The following BRAP variants were observed in gnomAD, a reference collection of about 807,000 sequenced individuals.
The protein encoded by BRAP is BRCA1 associated protein, also known as BRCA1-associated protein.
A neutral mutation model predicts 73.4 loss-of-function variants in BRAP; 42 were observed. The ratio of observed to expected loss-of-function variants is 0.57; its 90% CI spans 0.45 to 0.74. BRAP has a LOEUF of 0.74. BRAP is among the 30% of genes least tolerant of loss of function. The pLI, the probability that BRAP is intolerant of heterozygous loss-of-function variation, is 0.00. For missense variants in BRAP, 593 were observed against 751.4 expected (o/e 0.79, Z 2.46); for synonymous variants, 255 against 267.4 (o/e 0.95, Z 0.45).
chr12:111,684,860 G>A (rs1887745131), intron 1 of BRAP, among the ~76,000 whole-genome samples: 1 of 152,064 alleles, frequency 6.6e-6, no homozygotes, highest in African/African-American at 2.4e-5. Flanking sequence ...GTACAGACAG[G>A]GTTTCACCAT....
At chr12:111,646,782 T>C (rs1024313457) in intron 11 of BRAP, among the ~76,000 whole-genome samples, 2 of 152,068 alleles carry the variant, frequency 1.3e-5, no homozygotes, top group Admixed American at 1.3e-4. Context: ...CAAAAATAAA[T>C]AAATAAAAAC....
In BRAP at chr12:111,685,955, A is replaced by T. The variant is rs1887826564; in HGVS notation, c.-163T>A. On this transcript the variant is annotated 5_prime_UTR_variant, in exon 1 of 12. The change creates a new upstream start codon in the 5' untranslated region. Transcript: ENST00000419234. ...TCGAACAGCCCTCGGAGCCACAACA[A>T]CCTCCACTTCCGCCTCCCGGCCGCC... is the stretch of plus-strand genomic sequence containing the variant. 4 of 397,650 alleles carry T rather than the reference A, an allele frequency of 1.0e-5. No homozygotes were observed. The highest frequency in any genetic ancestry group is 2.1e-5 in the African/African-American group (1 of 47,320). 24.6% of individuals were successfully genotyped at this position (397,650 alleles called of 1,614,324 possible).
intron 4 of BRAP, 43 bp downstream of exon 4, chr12:111,679,108 T>A (rs1887497473): frequency 7.4e-7 from 1 of 1,359,364 alleles, no homozygotes; most frequent in South Asian, 1.9e-5. Flanking sequence ...AATACCACAG[T>A]TTCTGTGGCA....
At chr12:111,645,546 A>G (rs1310062608) in intron 11 of BRAP, among the ~76,000 whole-genome samples, 2 of 152,192 alleles carry the variant, frequency 1.3e-5, no homozygotes, top group Non-Finnish European at 2.9e-5. Context: ...GCATTCTTGG[A>G]GAGTCAAGTA....
rs748546160 is a variant in BRAP, at chr12:111,644,295, C to G, written c.1683G>C (p.Gln561His). 1 of 1,614,148 alleles carries G rather than the reference C, an allele frequency of 6.2e-7. No individual in the cohort carries two copies. Among genetic ancestry groups the G allele is most frequent in the Non-Finnish European group, 8.5e-7 (1 of 1,180,036 alleles). Residue 561 changes from glutamine (Q) to histidine (H), a missense_variant, in exon 12 of 12, where the codon CAG (glutamine) becomes CAC (histidine). This residue lies in a region of BRAP where 79 missense variants were observed against 65.3 expected (regional missense o/e 1.21). Coordinates refer to ENST00000419234, the MANE Select transcript of BRAP (RefSeq NM_006768.5). ...AGGCCGAGGCCATGGCGATGTTGAT[C>G]TGTCCCTCCTGGATTTCCTGCCGGG... is the stretch of plus-strand genomic sequence containing the variant. ...AETRQEIQEGQINIAMASASS... is the reference protein window; with the variant it reads ...AETRQEIQEGHINIAMASASS...
chr12:111,677,072 G>A (rs1281358495), intron 4 of BRAP, among the ~76,000 whole-genome samples: 1 of 152,096 alleles, frequency 6.6e-6, no homozygotes, highest in Non-Finnish European at 1.5e-5. Context: ...AGACACAAGG[G>A]GAAGGATAGT....
chr12:111,650,112 A>T (rs1200928863), intron 10 of BRAP, 70 bp from the exon 11 acceptor site: 1 of 1,113,886 alleles, frequency 9.0e-7, no homozygotes, highest in South Asian at 1.5e-5. Context: ...GACCAACATC[A>T]TATTTTTCCC....
Position 111,665,656 on chromosome 12 carries a change from C to T in BRAP, c.879G>A (p.Gln293=). The part of the protein sequence containing the change: ...CNHSFHSQCL[Q]RWDDTTCPVC... ...GCACTCACGTGGTATCGTCCCAGCG[C>T]TGTAGACACTGGCTGTGGAAGCTGT... The change falls in exon 6 of 12, where the codon CAG becomes CAA. Residue 293 remains glutamine, a synonymous_variant. Coordinates refer to ENST00000419234, the MANE Select transcript of BRAP (RefSeq NM_006768.5). This position sits in a 1 kb window ranked among gnomAD's most constrained non-coding sequence, Gnocchi z 4.3. 1 of 1,614,186 alleles carries T rather than the reference C, an allele frequency of 6.2e-7. No individual in the cohort carries two copies. The highest frequency in any genetic ancestry group is 8.5e-7 in the Non-Finnish European group (1 of 1,180,034).
intron 6 of BRAP, among the ~76,000 whole-genome samples, chr12:111,664,819 G>A (rs1243672710): frequency 6.6e-6 from 1 of 152,138 alleles, no homozygotes; most frequent in Non-Finnish European, 1.5e-5. Context: ...TCTGGGTTCT[G>A]CTCTTTACCC....
rs1886002384 is a variant in BRAP, at chr12:111,644,101, GTACTTA to G, written c.*92_*97del. ...AACAACTGTGGCTTGATCCTCACTT[GTACTTA>G]TTAGGGCCCACCCTCACATTTAGCT... On this transcript the variant is annotated 3_prime_UTR_variant, in exon 12 of 12. Coordinates refer to ENST00000419234, the MANE Select transcript of BRAP (RefSeq NM_006768.5). 1.3e-6 allele frequency: 2 copies of G among 1,484,754 alleles called. No individual in the cohort carries two copies. Among genetic ancestry groups the G allele is most frequent in the Non-Finnish European group, 1.8e-6 (2 of 1,115,232 alleles). The allele number at this position is 1,484,754 out of a possible 1,614,324, so 92.0% of individuals were successfully genotyped here.
intron 5 of BRAP, chr12:111,670,087 G>C (rs1273105600): frequency 2.2e-5 from 14 of 626,590 alleles, no homozygotes; most frequent in Non-Finnish European, 4.3e-5. Flanking sequence ...GCAAGAGTTG[G>C]AACAGTTTCT....
At chr12:111,669,545 T>C (rs1887089081) in intron 5 of BRAP, among the ~76,000 whole-genome samples, 1 of 152,104 alleles carries the variant, frequency 6.6e-6, no homozygotes, top group South Asian at 2.1e-4. Flanking sequence ...TCTTAATGTG[T>C]TAATAGTTGT....
At chr12:111,653,521 G>C (rs1156314787) in intron 10 of BRAP, among the ~76,000 whole-genome samples, 1 of 152,118 alleles carries the variant, frequency 6.6e-6, no homozygotes, top group East Asian at 1.9e-4. Flanking sequence ...GAATGTCTGT[G>C]AGCTTCATCT....
Position 111,659,367 on chromosome 12 carries a change from T to G in BRAP, c.973-22A>C, listed in dbSNP as rs1566116191. 5 of 1,599,606 alleles carry G rather than the reference T, an allele frequency of 3.1e-6. No homozygotes were observed. The Admixed American group carries it at 8.5e-5, about 27-fold the overall frequency. ...GATTCTGCCGGAAGAGGTAAGATCT[T>G]AATTAGTTAAATAAAAATAAATGAT... On this transcript the variant is annotated intron_variant, in intron 7 of 11. Coordinates refer to ENST00000419234, the MANE Select transcript of BRAP (RefSeq NM_006768.5).
At chr12:111,647,731 A>G (rs1046259679) in intron 11 of BRAP, among the ~76,000 whole-genome samples, 5 of 152,056 alleles carry the variant, frequency 3.3e-5, no homozygotes, top group African/African-American at 1.2e-4. Context: ...CCCTGTTTCT[A>G]CTAAAAATAC....
At position 111,668,860 on chromosome 12, in the gene BRAP, G is replaced by A. The variant is rs563197865; in HGVS notation, c.748-3073C>T. 2.0e-5 allele frequency among the ~76,000 whole-genome samples: 3 copies of A among 151,988 alleles called. No homozygotes were observed. In the East Asian group the frequency reaches 5.8e-4, roughly 29 times the overall value. On this transcript the variant is annotated intron_variant, in intron 5 of 11. Coordinates refer to ENST00000419234, the MANE Select transcript of BRAP (RefSeq NM_006768.5). The stretch of plus-strand genomic sequence containing the variant: ...TTTAGTAGAGATGGGTTTTCACCAT[G>A]TTAACCAAGATGGTCTCGATCTCCT...
chr12:111,651,542 AAATAC>A (rs747625559), intron 10 of BRAP, among the ~76,000 whole-genome samples: 12 of 152,052 alleles, frequency 7.9e-5, no homozygotes, highest in Non-Finnish European at 1.2e-4. Context: ...ATTACAAAAA[AAATAC>A]AATACAATAC....
Position 111,665,796 on chromosome 12 carries a change from A to C in BRAP, c.748-9T>G. On this transcript the variant is annotated splice_polypyrimidine_tract_variant and intron_variant, in intron 5 of 11. Coordinates refer to ENST00000419234, the MANE Select transcript of BRAP (RefSeq NM_006768.5). This position sits in a 1 kb window ranked among gnomAD's most constrained non-coding sequence, Gnocchi z 4.3. ...ACTGGGAGGCTGGCGCCCTACAGGAAACACCTCACATAAGCCTCACTCTTC... is the reference window on the plus strand; with the variant it reads ...ACTGGGAGGCTGGCGCCCTACAGGACACACCTCACATAAGCCTCACTCTTC... 2 of 1,614,148 alleles carry C rather than the reference A, an allele frequency of 1.2e-6. No homozygotes were observed. Among genetic ancestry groups the C allele is most frequent in the Non-Finnish European group, 1.7e-6 (2 of 1,180,000 alleles).
chr12:111,664,237 C>T (rs552218148), intron 6 of BRAP, among the ~76,000 whole-genome samples: 4 of 152,158 alleles, frequency 2.6e-5, no homozygotes, highest in South Asian at 2.1e-4. Context: ...GAAGCTGAGG[C>T]GAGAGGATCA....
Sources: gnomAD v4.1 joint callset for allele counts (sites outside exome capture counted in the v4.1 genomes callset) on GRCh38, gnomAD v4.1.1 for gene constraint, gnomAD v4.1.1 regional missense constraint, Gnocchi (gnomAD v3.1) non-coding constraint, MANE v1.5 for transcripts, NCBI Gene and HGNC (gene_info 2026-07-23, HGNC 2026-07-21) for gene names.